The following ZMAT4 variants were observed in gnomAD, a reference collection of about 807,000 sequenced individuals.
ZMAT4 encodes the protein zinc finger matrin-type protein 4.
ZMAT4 carries 17 observed loss-of-function variants against 28.7 expected under a neutral mutation model. The observed-to-expected ratio is 0.59, with a 90% CI of 0.41 to 0.89. ZMAT4 has a LOEUF of 0.89. Ranked by LOEUF, ZMAT4 falls within the 40% of genes least tolerant of loss-of-function variation. The pLI, the probability that ZMAT4 is intolerant of heterozygous loss-of-function variation, is 0.00. For synonymous variants in ZMAT4, 117 were observed against 109.2 expected, an observed-to-expected ratio of 1.07 and a Z score of -0.44; for missense variants, 240 against 283.8, an observed-to-expected ratio of 0.85 and a Z score of 1.11.
intron 5 of ZMAT4, among the ~76,000 whole-genome samples, chr8:40,584,195 T>C (rs1407733236): frequency 6.6e-6 from 1 of 152,186 alleles, no homozygotes; most frequent in Non-Finnish European, 1.5e-5. Context: ...AGTCAAGCAG[T>C]ATCCATGCTA....
At chr8:40,836,818 G>C (rs1816508995) in intron 1 of ZMAT4, among the ~76,000 whole-genome samples, 1 of 152,200 alleles carries the variant, frequency 6.6e-6, no homozygotes, top group African/African-American at 2.4e-5. Flanking sequence ...GCGGTTGCCA[G>C]ATCTCAGCTT....
intron 5 of ZMAT4, among the ~76,000 whole-genome samples, chr8:40,612,175 G>A (rs575715223): frequency 4.6e-5 from 7 of 152,290 alleles, no homozygotes; most frequent in African/African-American, 1.4e-4. Flanking sequence ...AAGGTACCCA[G>A]CACAGTTCAT....
At chr8:40,621,429 G>A (rs1045581395) in intron 5 of ZMAT4, among the ~76,000 whole-genome samples, 1 of 152,158 alleles carries the variant, frequency 6.6e-6, no homozygotes, top group Non-Finnish European at 1.5e-5. Flanking sequence ...TGGTGCTAAT[G>A]AGCCCAAAAT....
At chr8:40,724,002 A>G (rs1224332345) in intron 3 of ZMAT4, among the ~76,000 whole-genome samples, 2 of 151,912 alleles carry the variant, frequency 1.3e-5, no homozygotes, top group Non-Finnish European at 2.9e-5. Context: ...ACTTGCTCCC[A>G]GCCAAGGCTC....
intron 5 of ZMAT4, among the ~76,000 whole-genome samples, chr8:40,668,999 G>A (rs965373226): frequency 6.6e-6 from 1 of 151,954 alleles, no homozygotes; most frequent in East Asian, 1.9e-4. Context: ...TAGCCCATAG[G>A]TCAGGGGGGT....
At chr8:40,536,341 G>C (rs933149395) in intron 6 of ZMAT4, among the ~76,000 whole-genome samples, 7 of 152,088 alleles carry the variant, frequency 4.6e-5, no homozygotes, top group Non-Finnish European at 7.4e-5. Context: ...TCCTACTCCT[G>C]GTCTGTGGCA....
At chr8:40,565,686 C>T (rs1803898548) in intron 6 of ZMAT4, among the ~76,000 whole-genome samples, 1 of 151,806 alleles carries the variant, frequency 6.6e-6, no homozygotes. Flanking sequence ...TCATTGCCAC[C>T]ATCTTTTTCA....
chr8:40,802,806 A>G (rs1207525000), intron 2 of ZMAT4, among the ~76,000 whole-genome samples: 2 of 152,232 alleles, frequency 1.3e-5, no homozygotes, highest in African/African-American at 4.8e-5. Context: ...GACTGACACT[A>G]CGTGACTTCA....
At chr8:40,836,256 A>T (rs540733985) in intron 1 of ZMAT4, among the ~76,000 whole-genome samples, 6 of 152,318 alleles carry the variant, frequency 3.9e-5, no homozygotes, top group South Asian at 4.1e-4. Context: ...CAATGGGGAG[A>T]TTGTTGAAAC....
At chr8:40,569,799 A>C (rs1804034886) in intron 6 of ZMAT4, among the ~76,000 whole-genome samples, 2 of 152,272 alleles carry the variant, frequency 1.3e-5, no homozygotes, top group South Asian at 4.1e-4. Context: ...GCTGGACCCA[A>C]CTGCAGGGTG....
intron 5 of ZMAT4, among the ~76,000 whole-genome samples, chr8:40,646,300 A>T (rs1807311917): frequency 6.8e-6 from 1 of 147,806 alleles, no homozygotes; most frequent in African/African-American, 2.5e-5. Flanking sequence ...AATTTTTTAG[A>T]CTATCATTTT....
chr8:40,668,871 T>C (rs1210720568), intron 5 of ZMAT4, among the ~76,000 whole-genome samples: 6 of 119,956 alleles, frequency 5.0e-5, no homozygotes, highest in Non-Finnish European at 9.1e-5. Context: ...GGAACTGCCT[T>C]TTAAAGTGTT....
Position 40,789,031 on chromosome 8 carries a change from GGGAA to G in ZMAT4, c.103-21305_103-21302del, listed in dbSNP as rs558193861. 7.5e-3 allele frequency among the ~76,000 whole-genome samples: 986 copies of G among 131,384 alleles called. 13 individuals are homozygous for G. The highest frequency in any genetic ancestry group is 0.026 in the African/African-American group (916 of 34,926). The allele number at this position is 131,384 out of a possible 152,430, so 86.2% of individuals were successfully genotyped here. A position where few individuals can be genotyped will look rare whatever the true frequency, so the allele number is the denominator to read the frequency against. On this transcript the variant is annotated intron_variant, in intron 2 of 6. Coordinates refer to ENST00000297737, the MANE Select transcript of ZMAT4 (RefSeq NM_024645.3). ...AGGAAAAGAGGAAGGGAGGGAGGGA[GGGAA>G]GGAAGGAAGGAGAAGGGAAGGGAAG...
chr8:40,876,020 G>T (rs894991846), intron 1 of ZMAT4, among the ~76,000 whole-genome samples: 3 of 152,176 alleles, frequency 2.0e-5, no homozygotes, highest in Non-Finnish European at 4.4e-5. Context: ...GAGGAAATGG[G>T]CTTAGCTATA....
Position 40,700,313 on chromosome 8 carries a change from T to A in ZMAT4, c.193-2912A>T, listed in dbSNP as rs974832418. On this transcript the variant is annotated intron_variant, in intron 3 of 6. Coordinates refer to ENST00000297737, the MANE Select transcript of ZMAT4 (RefSeq NM_024645.3). ...CATCTTTAAGCCTTCTTAAAGGAAA[T>A]GCTGGAATGCCCTTTTGAATCACTT... 2.0e-5 allele frequency among the ~76,000 whole-genome samples: 3 copies of A among 151,592 alleles called. No individual in the cohort carries two copies. The South Asian group carries it at 6.2e-4, about 32-fold the overall frequency.
intron 2 of ZMAT4, among the ~76,000 whole-genome samples, chr8:40,781,887 T>C (rs886421119): frequency 5.4e-5 from 8 of 149,314 alleles, no homozygotes; most frequent in African/African-American, 7.4e-5. Flanking sequence ...GACAATTAAA[T>C]ATATGCAAAA....
At chr8:40,706,018 C>A (rs1246555827) in intron 3 of ZMAT4, among the ~76,000 whole-genome samples, 1 of 152,018 alleles carries the variant, frequency 6.6e-6, no homozygotes, top group Non-Finnish European at 1.5e-5. Flanking sequence ...CCATGTAGCT[C>A]CAGAACTGAG....
At chr8:40,536,732 C>A (rs981064513) in intron 6 of ZMAT4, among the ~76,000 whole-genome samples, 1 of 152,044 alleles carries the variant, frequency 6.6e-6, no homozygotes, top group Admixed American at 6.6e-5. Context: ...CCTGAATTTA[C>A]CCTGACACAA....
Position 40,862,121 on chromosome 8 carries a change from G to A in ZMAT4, c.-5+35562C>T, listed in dbSNP as rs896908284. On this transcript the variant is annotated intron_variant, in intron 1 of 6. Transcript: ENST00000297737. ...TGCTGCTATAAAGACACACGCACAC[G>A]TATGTTTATTGCGGCACTATACACA... Among the ~76,000 whole-genome samples, 62 of 91,534 alleles carry A rather than the reference G, an allele frequency of 6.8e-4. 1 individual carries two copies. Among genetic ancestry groups the A allele is most frequent in the African/African-American group, 1.7e-3 (62 of 35,956 alleles). The allele number at this position is 91,534 out of a possible 152,430, so 60.0% of individuals were successfully genotyped here. A position where few individuals can be genotyped will look rare whatever the true frequency, so the allele number is the denominator to read the frequency against.
Sources: gnomAD v4.1 joint callset for allele counts (sites outside exome capture counted in the v4.1 genomes callset) on GRCh38, gnomAD v4.1.1 for gene constraint, MANE v1.5 for transcripts, NCBI Gene and HGNC (gene_info 2026-07-23, HGNC 2026-07-21) for gene names.